The following SLC9A7 variants were observed in gnomAD, a reference collection of about 807,000 sequenced individuals.
The protein encoded by SLC9A7 is sodium/hydrogen exchanger 7.
Under a neutral mutation model 52.6 loss-of-function variants are expected in SLC9A7, and 19 were observed. The ratio of observed to expected loss-of-function variants is 0.36; its 90% CI spans 0.25 to 0.53. The LOEUF (loss-of-function observed/expected upper bound fraction) is 0.53. SLC9A7 is among the 20% of genes least tolerant of loss of function. The pLI is 0.91. For missense variants in SLC9A7, 455 were observed against 597.9 expected, an observed-to-expected ratio of 0.76 and a Z score of 2.49; for synonymous variants, 226 against 252.1, an observed-to-expected ratio of 0.90 and a Z score of 0.98.
chrX:46,748,787 C>T (rs1922023210), intron 1 of SLC9A7, among the ~76,000 whole-genome samples: 1 of 109,341 alleles, frequency 9.1e-6, no homozygotes, highest in South Asian at 4.0e-4. Flanking sequence ...CTATTAGGGG[C>T]TAGAAGGAAG....
intron 1 of SLC9A7, among the ~76,000 whole-genome samples, chrX:46,742,817 A>G (rs1921453942): frequency 8.9e-6 from 1 of 112,213 alleles, no homozygotes; most frequent in Non-Finnish European, 1.9e-5. Flanking sequence ...TGGGAGGCCA[A>G]GGTGGGAGGA....
chrX:46,651,832 GAA>G (rs1211578593), intron 8 of SLC9A7, among the ~76,000 whole-genome samples: 2 of 44,406 alleles, frequency 4.5e-5, no homozygotes, highest in African/African-American at 8.4e-5. Context: ...TTTCTCAAAA[GAA>G]AAAAAAAAAA....
chrX:46,702,852 C>T (rs1944552147), intron 1 of SLC9A7, among the ~76,000 whole-genome samples: 1 of 112,313 alleles, frequency 8.9e-6, no homozygotes, highest in Admixed American at 9.4e-5. Flanking sequence ...GAGAAATCTC[C>T]AAACTGCTTT....
At chrX:46,732,423 G>A (rs369016479) in intron 1 of SLC9A7, among the ~76,000 whole-genome samples, 1 of 109,917 alleles carries the variant, frequency 9.1e-6, no homozygotes, top group East Asian at 2.9e-4. Context: ...CATGGTGGTG[G>A]GCACCTATAA....
chrX:46,695,828 A>T (rs1056760338), intron 1 of SLC9A7, among the ~76,000 whole-genome samples: 1 of 110,579 alleles, frequency 9.0e-6, no homozygotes, highest in Non-Finnish European at 1.9e-5. Context: ...GCAATCAGAT[A>T]GAGGCTGAAC....
intron 12 of SLC9A7, among the ~76,000 whole-genome samples, chrX:46,637,803 C>T (rs1271131943): frequency 8.9e-6 from 1 of 112,781 alleles, no homozygotes; most frequent in African/African-American, 3.2e-5. Flanking sequence ...AAGCAATTTG[C>T]ACATTTTGCC....
chrX:46,703,992 A>C (rs1370677348), intron 1 of SLC9A7, among the ~76,000 whole-genome samples: 5 of 111,721 alleles, frequency 4.5e-5, no homozygotes, highest in Non-Finnish European at 9.4e-5. Context: ...AACATGTACA[A>C]TATATATTTC....
At chrX:46,725,710 G>A (rs756988371) in intron 1 of SLC9A7, 473 of 1,185,099 alleles carry the variant, frequency 4.0e-4, no homozygotes, top group South Asian at 5.2e-4. Flanking sequence ...GCATCCAATC[G>A]AGAAATCTTC....
chrX:46,707,491 C>T (rs1328769018), intron 1 of SLC9A7, among the ~76,000 whole-genome samples: 2 of 111,676 alleles, frequency 1.8e-5, no homozygotes, highest in African/African-American at 6.5e-5. Context: ...GTCTACTTGG[C>T]TGCCCTCTCA....
At chrX:46,706,923 T>C (rs1459821341) in intron 1 of SLC9A7, among the ~76,000 whole-genome samples, 1 of 111,522 alleles carries the variant, frequency 9.0e-6, no homozygotes, top group Non-Finnish European at 1.9e-5. Context: ...ATATTTTTAA[T>C]AGAGGTGGGG....
At chrX:46,624,775 G>A (rs1943098176) in intron 14 of SLC9A7, among the ~76,000 whole-genome samples, 1 of 112,331 alleles carries the variant, frequency 8.9e-6, no homozygotes, top group African/African-American at 3.2e-5. Context: ...TTTTACACAA[G>A]GAATTTTCAT....
chrX:46,713,573 T>C (rs1386160897), intron 1 of SLC9A7, among the ~76,000 whole-genome samples: 1 of 109,823 alleles, frequency 9.1e-6, no homozygotes, highest in Non-Finnish European at 1.9e-5. Context: ...AGAAATATTC[T>C]TGGGTGACCT....
chrX:46,606,652 G>A lies in SLC9A7; in HGVS notation c.*300C>T. The stretch of plus-strand genomic sequence containing the variant: ...GCCTCGCCTTGTTCAGATACTGCAG[G>A]TGAATGAATTAGGAGACCATTAAAG... On this transcript the variant is annotated 3_prime_UTR_variant, in exon 17 of 17. Transcript: ENST00000616978. The A allele has an allele frequency of 1.0e-6, 1 of 973,039 alleles. No homozygotes were observed. Among genetic ancestry groups the A allele is most frequent in the Non-Finnish European group, 1.3e-6 (1 of 774,046 alleles). 80.2% of individuals were successfully genotyped at this position (973,039 alleles called of 1,213,427 possible). A position where few individuals can be genotyped will look rare whatever the true frequency, so the allele number is the denominator to read the frequency against.
At position 46,669,646 on chromosome X, in the gene SLC9A7, A is replaced by C; in HGVS notation, c.754T>G (p.Cys252Gly). Residue 252 changes from cysteine to glycine, a missense_variant, in exon 5 of 17, where the codon TGT becomes GGT. By Grantham distance (159) the Cys-to-Gly change is radical. Around this residue, in one of 3 missense-constraint regions of SLC9A7, gnomAD observed 304 missense variants for 417.8 expected, o/e 0.73. Transcript: ENST00000616978. ...GAGATGATTGCTCCAAAAAAGAGAC[A>C]ATCTGTGTAGTAAAATTTATCTGAG... Reference protein sequence around the residue: ...QLSDKFYYTDCLFFGAIISAT... With the variant: ...QLSDKFYYTDGLFFGAIISAT... 1.7e-6 allele frequency: 2 copies of C among 1,190,532 alleles called. No individual in the cohort carries two copies. The highest frequency in any genetic ancestry group is 2.3e-6 in the Non-Finnish European group (2 of 882,644).
chrX:46,706,773 T>G (rs1295569158), intron 1 of SLC9A7, among the ~76,000 whole-genome samples: 1 of 111,634 alleles, frequency 9.0e-6, no homozygotes, highest in Non-Finnish European at 1.9e-5. Flanking sequence ...GGTGAACTTT[T>G]TATTTGTTCT....
intron 7 of SLC9A7, among the ~76,000 whole-genome samples, chrX:46,659,312 C>G (rs1295339080): frequency 3.0e-5 from 3 of 101,442 alleles, no homozygotes; most frequent in African/African-American, 1.1e-4. Context: ...AAAACTGGCA[C>G]AAGACAGGGA....
intron 1 of SLC9A7, among the ~76,000 whole-genome samples, chrX:46,701,704 G>C (rs187440583): frequency 8.9e-6 from 1 of 111,969 alleles, no homozygotes; most frequent in Non-Finnish European, 1.9e-5. Context: ...AGGAATACAT[G>C]GGGGGAGTGG....
At chrX:46,674,977 C>G (rs1258381446) in intron 3 of SLC9A7, among the ~76,000 whole-genome samples, 2 of 110,572 alleles carry the variant, frequency 1.8e-5, no homozygotes, top group Non-Finnish European at 3.8e-5. Context: ...TATCCCCTCC[C>G]ATTCCTCACT....
intron 15 of SLC9A7, among the ~76,000 whole-genome samples, chrX:46,619,480 A>G (rs1460887365): frequency 8.9e-6 from 1 of 112,066 alleles, no homozygotes; most frequent in Non-Finnish European, 1.9e-5. Context: ...ATATATTTAT[A>G]TAAGAAATAC....
Sources: gnomAD v4.1 joint callset for allele counts (sites outside exome capture counted in the v4.1 genomes callset) on GRCh38, gnomAD v4.1.1 for gene constraint, gnomAD v4.1.1 regional missense constraint, MANE v1.5 for transcripts, NCBI Gene and HGNC (gene_info 2026-07-23, HGNC 2026-07-21) for gene names.